The following EXOC4 variants were observed in gnomAD, a reference collection of about 807,000 sequenced individuals.
EXOC4 encodes the protein exocyst complex component 4.
Under a neutral mutation model 107.2 loss-of-function variants are expected in EXOC4, and 71 were observed. That is an observed-to-expected ratio of 0.66 (90% CI 0.55 to 0.81). The LOEUF (loss-of-function observed/expected upper bound fraction) is 0.81, where lower values mean the gene tolerates loss of function less well. EXOC4 is among the 30% of genes least tolerant of loss of function. EXOC4 has a pLI of 0.00. For synonymous variants in EXOC4, 456 were observed against 441.2 expected (o/e 1.03, Z -0.42); for missense variants, 1,108 against 1,189.6 (o/e 0.93, Z 1.01).
intron 9 of EXOC4, among the ~76,000 whole-genome samples, chr7:133,519,364 A>C (rs970949025): frequency 6.6e-6 from 1 of 152,136 alleles, no homozygotes; most frequent in Non-Finnish European, 1.5e-5. Context: ...TCGAGGCTGC[A>C]GTAAGCTGAG....
chr7:133,261,561 C>A (rs1213613140), intron 1 of EXOC4, among the ~76,000 whole-genome samples: 1 of 152,154 alleles, frequency 6.6e-6, no homozygotes, highest in Non-Finnish European at 1.5e-5. Context: ...TGAGTTGATG[C>A]TAGACATTGT....
At chr7:133,418,176 T>G (rs897682937) in intron 7 of EXOC4, among the ~76,000 whole-genome samples, 4 of 152,220 alleles carry the variant, frequency 2.6e-5, no homozygotes, top group Non-Finnish European at 5.9e-5. Context: ...GTGCTTTACA[T>G]ATTTAGACTA....
intron 10 of EXOC4, among the ~76,000 whole-genome samples, chr7:133,808,564 A>C (rs1225054062): frequency 6.6e-6 from 1 of 152,170 alleles, no homozygotes; most frequent in African/African-American, 2.4e-5. Context: ...TGAGAAAGTA[A>C]GAAATATATC....
chr7:133,950,793 A>C (rs1252897229), intron 14 of EXOC4, among the ~76,000 whole-genome samples: 1 of 152,216 alleles, frequency 6.6e-6, no homozygotes, highest in Admixed American at 6.5e-5. Context: ...TTGGCTTTAC[A>C]AAGAAAAATA....
intron 14 of EXOC4, among the ~76,000 whole-genome samples, chr7:133,982,353 C>A (rs1392809310): frequency 6.6e-6 from 1 of 152,116 alleles, no homozygotes; most frequent in Non-Finnish European, 1.5e-5. Flanking sequence ...GAGATCGAGA[C>A]CATCCTGGCT....
At chr7:133,255,754 C>T (rs191059516) in intron 1 of EXOC4, among the ~76,000 whole-genome samples, 277 of 151,994 alleles carry the variant, frequency 1.8e-3, no homozygotes, top group Non-Finnish European at 2.6e-3. Context: ...TTGAACATAC[C>T]CAGTGGTTTA....
At position 133,317,475 on chromosome 7, in the gene EXOC4, A is replaced by AGCTAGGTTGGGCTGG. The variant is rs1157095871; in HGVS notation, c.763+93_763+107dup. 3 of 963,312 alleles carry AGCTAGGTTGGGCTGG rather than the reference A, an allele frequency of 3.1e-6. No individual in the cohort carries two copies. In the African/African-American group the frequency reaches 4.9e-5, roughly 16 times the overall value. The allele number at this position is 963,312 out of a possible 1,614,324, so 59.7% of individuals were successfully genotyped here. A position where few individuals can be genotyped will look rare whatever the true frequency, so the allele number is the denominator to read the frequency against. On this transcript the variant is annotated intron_variant, in intron 5 of 17. Coordinates refer to ENST00000253861, the MANE Select transcript of EXOC4 (RefSeq NM_021807.4). ...ATCTGGAGGAGCTTTTTGGGGGCTG[A>AGCTAGGTTGGGCTGG]GCTAGGTTGGGCTGGGCTAGGTGGG...
chr7:133,907,796 GGAAA>G (rs1348879480), intron 12 of EXOC4, among the ~76,000 whole-genome samples: 1 of 148,614 alleles, frequency 6.7e-6, no homozygotes, highest in Non-Finnish European at 1.5e-5. Flanking sequence ...GACTCGGTCT[GGAAA>G]GAAAGAGAGA....
chr7:133,916,795 C>T (rs982174593), intron 12 of EXOC4, among the ~76,000 whole-genome samples: 2 of 152,222 alleles, frequency 1.3e-5, no homozygotes, highest in African/African-American at 4.8e-5. Context: ...AATGTCATTT[C>T]TGTCACCTAG....
intron 9 of EXOC4, among the ~76,000 whole-genome samples, chr7:133,493,100 C>T (rs764235071): frequency 5.9e-5 from 9 of 152,218 alleles, no homozygotes; most frequent in Admixed American, 5.2e-4. Flanking sequence ...ATAGTGATGA[C>T]GAAATGAGTT....
Position 133,839,073 on chromosome 7 carries a change from G to T in EXOC4, c.1734+21529G>T, listed in dbSNP as rs182169344. ...CATGGTATACCTAGGTATTATGCAA[G>T]AAAAATTTTAAGTCAATTAACAAGA... On this transcript the variant is annotated intron_variant, in intron 11 of 17. Transcript: ENST00000253861. 3.4e-4 allele frequency among the ~76,000 whole-genome samples: 52 copies of T among 152,290 alleles called. No individual in the cohort carries two copies. The East Asian group carries it at 9.3e-3, about 27-fold the overall frequency.
chr7:133,661,209 G>A (rs1481120859), intron 10 of EXOC4, among the ~76,000 whole-genome samples: 1 of 152,072 alleles, frequency 6.6e-6, no homozygotes, highest in Non-Finnish European at 1.5e-5. Flanking sequence ...GTCTCTTGCT[G>A]CATGCTAGCA....
intron 7 of EXOC4, among the ~76,000 whole-genome samples, chr7:133,426,187 G>A (rs1279428578): frequency 6.6e-6 from 1 of 152,166 alleles, no homozygotes; most frequent in African/African-American, 2.4e-5. Flanking sequence ...TGATGTTTTT[G>A]GTGTTAGGGA....
At chr7:134,027,350 G>GA (rs1356447806) in intron 17 of EXOC4, among the ~76,000 whole-genome samples, 2 of 152,006 alleles carry the variant, frequency 1.3e-5, no homozygotes, top group South Asian at 2.1e-4. Flanking sequence ...AGAATATGAG[G>GA]AAAAAAGCAG....
intron 5 of EXOC4, among the ~76,000 whole-genome samples, chr7:133,335,356 T>A (rs1383985030): frequency 6.6e-6 from 1 of 152,182 alleles, no homozygotes; most frequent in East Asian, 1.9e-4. Context: ...AAACAACTCC[T>A]CTTTGTCCAC....
At chr7:133,518,227 C>G (rs558751409) in intron 9 of EXOC4, among the ~76,000 whole-genome samples, 1 of 151,790 alleles carries the variant, frequency 6.6e-6, no homozygotes, top group Admixed American at 6.6e-5. Context: ...GATGGGAGGT[C>G]CTGCAAAGTC....
rs142417582 is a variant in EXOC4 at position 133,377,587 on chromosome 7, C to T, written c.1182+2585C>T. On this transcript the variant is annotated intron_variant, in intron 7 of 17. Transcript: ENST00000253861. ...TTTACAGGTACAGAAGGAGAGAGGA[C>T]AGAGAGATTGGGGTAGAAAAATATC... 1.2e-3 allele frequency among the ~76,000 whole-genome samples: 188 copies of T among 152,070 alleles called. 1 individual carries two copies. The highest frequency in any genetic ancestry group is 4.3e-3 in the African/African-American group (179 of 41,482).
chr7:133,530,225 G>A (rs1030022605), intron 9 of EXOC4, among the ~76,000 whole-genome samples: 3 of 152,076 alleles, frequency 2.0e-5, no homozygotes, highest in Non-Finnish European at 2.9e-5. Flanking sequence ...TTGAACACCT[G>A]GACATTTTGT....
intron 14 of EXOC4, among the ~76,000 whole-genome samples, chr7:133,956,304 A>G (rs1473286997): frequency 2.6e-5 from 4 of 152,196 alleles, no homozygotes; most frequent in Non-Finnish European, 5.9e-5. Context: ...GTGTTAAAAG[A>G]TAGAGGCGGC....
Sources: allele counts gnomAD v4.1 joint callset (sites outside exome capture counted in the v4.1 genomes callset), GRCh38; gene constraint gnomAD v4.1.1; transcripts MANE v1.5; gene names NCBI Gene and HGNC (gene_info 2026-07-23, HGNC 2026-07-21).